ERBB2: variants seen among roughly 807,000 people sequenced by gnomAD.
ERBB2 encodes the protein receptor tyrosine-protein kinase erbB-2.
In ERBB2, 61 loss-of-function variants were observed where a neutral mutation model predicts 149.0. The observed-to-expected ratio is 0.41, with a 90% CI of 0.33 to 0.51. ERBB2 has a LOEUF of 0.51. Ranked by LOEUF, ERBB2 falls within the 20% of genes least tolerant of loss-of-function variation. ERBB2 has a pLI of 0.25. For synonymous variants in ERBB2, 633 were observed against 678.8 expected, an observed-to-expected ratio of 0.93 and a Z score of 1.05; for missense variants, 1,205 against 1,655.1, an observed-to-expected ratio of 0.73 and a Z score of 4.72.
chr17:39,716,334 C>T lies in ERBB2; in HGVS notation c.1547C>T (p.Ala516Val), dbSNP rs2145675597. 2 of 1,604,476 alleles carry T rather than the reference C, an allele frequency of 1.2e-6. No individual in the cohort carries two copies. The highest frequency in any genetic ancestry group is 1.7e-6 in the Non-Finnish European group (2 of 1,176,504). The change falls in exon 13 of 27, where the codon GCC (alanine) becomes GTC (valine). Residue 516 changes from alanine (A) to valine (V), a missense_variant. By Grantham distance (64) the Ala-to-Val change is moderately conservative (BLOSUM62 0). This residue lies in a region of ERBB2 where 569 missense variants were observed against 803.5 expected (regional missense o/e 0.71). Transcript: ENST00000269571. ...GEGLACHQLC[A>V]RGHCWGPGPT... The stretch of plus-strand genomic sequence containing the variant: ...GGCCTGGCCTGCCACCAGCTGTGCG[C>T]CCGAGGGCACTGCTGGGGTCCAGGG...
intron 1 of ERBB2, among the ~76,000 whole-genome samples, chr17:39,706,047 AC>A (rs1489090613): frequency 6.6e-6 from 1 of 152,268 alleles, no homozygotes; most frequent in Non-Finnish European, 1.5e-5. Flanking sequence ...GGCGCCCCTC[AC>A]CAGGGGTGCT....
upstream of ERBB2, among the ~76,000 whole-genome samples, chr17:39,691,906 T>TATAGATATAG (rs1567886218): frequency 4.0e-4 from 36 of 90,234 alleles, no homozygotes; most frequent in African/African-American, 1.2e-3. Context: ...TATAGATATA[T>TATAGATATAG]ATACATATAC....
At chr17:39,724,954 C>G (rs2145856851) in intron 20 of ERBB2, 43 bp downstream of exon 20, 1 of 1,608,674 alleles carries the variant, frequency 6.2e-7, no homozygotes, top group Non-Finnish European at 8.5e-7. Context: ...GAGCAAACCC[C>G]TATGTCCACA....
chr17:39,695,930 C>G (rs1022059700), upstream of ERBB2, among the ~76,000 whole-genome samples: 7 of 152,118 alleles, frequency 4.6e-5, no homozygotes, highest in Non-Finnish European at 1.0e-4. Context: ...GGGTCTTGGG[C>G]AAAACACACG....
At chr17:39,715,218 A>C in intron 9 of ERBB2, 68 bp from the exon 10 acceptor site, 1 of 1,339,478 alleles carries the variant, frequency 7.5e-7, no homozygotes, top group South Asian at 1.2e-5. Context: ...AGTGGCTGGC[A>C]TGGCCAGTGC....
rs895205822 is a variant in ERBB2 at position 39,727,216 on chromosome 17, G to A, written c.3160-79G>A. On this transcript the variant is annotated intron_variant, in intron 25 of 26. Transcript: ENST00000269571. The surrounding 1 kb of genome is among the most constrained non-coding windows in gnomAD (Gnocchi z 4.3). ...CAAAGGTGACCTCTGTTTTTCTCCT[G>A]TGACCCTGTCACCTTCCATGGAGTC... 2 of 1,542,794 alleles carry A rather than the reference G, an allele frequency of 1.3e-6. No individual in the cohort carries two copies. The highest frequency in any genetic ancestry group is 1.4e-5 in the African/African-American group (1 of 72,196).
upstream of ERBB2, among the ~76,000 whole-genome samples, chr17:39,691,353 C>A (rs533911184): frequency 6.5e-4 from 99 of 151,844 alleles, 1 homozygote; most frequent in African/African-American, 2.3e-3. Context: ...ACCATCCTAG[C>A]CAACATGGTG....
upstream of ERBB2, among the ~76,000 whole-genome samples, chr17:39,698,818 G>A (rs530770505): frequency 6.6e-6 from 1 of 152,134 alleles, no homozygotes; most frequent in Non-Finnish European, 1.5e-5. Context: ...CAGTATAGCT[G>A]CATTCTTGGC....
chr17:39,712,117 A>C (rs1597867652), intron 8 of ERBB2, 70 bp downstream of exon 8: 1 of 1,608,514 alleles, frequency 6.2e-7, no homozygotes, highest in Non-Finnish European at 8.5e-7. Context: ...GGCCCAGCCC[A>C]CCCTGTCCTA....
chr17:39,716,849 T>G (rs1044854086), intron 14 of ERBB2: 4 of 552,896 alleles, frequency 7.2e-6, no homozygotes, highest in Admixed American at 6.1e-5. Context: ...GTGGCTGTGC[T>G]AGGGTGGTGA....
At chr17:39,703,270 G>C (rs1171360744) in intron 1 of ERBB2, 1 of 152,328 alleles carries the variant, frequency 6.6e-6, no homozygotes, top group East Asian at 1.9e-4. Flanking sequence ...TGGGAGGGCT[G>C]GGGTGGGGCC....
rs761563011 is a variant in ERBB2, at chr17:39,712,209, A to G, written c.1022-113A>G. 3.9e-6 allele frequency: 6 copies of G among 1,522,792 alleles called. No homozygotes were observed. In the African/African-American group the frequency reaches 5.5e-5, roughly 14 times the overall value. 94.3% of individuals were successfully genotyped at this position (1,522,792 alleles called of 1,614,324 possible). On this transcript the variant is annotated intron_variant, in intron 8 of 26. Transcript: ENST00000269571. Reference sequence around the variant, plus strand: ...CCCCCTCAGCCCTACAAGTGTCCCTATATCCCCTGTCAGTGTGGGGAGGGG... The same window carrying G: ...CCCCCTCAGCCCTACAAGTGTCCCTGTATCCCCTGTCAGTGTGGGGAGGGG...
At position 39,700,254 on chromosome 17, in the gene ERBB2, T is replaced by C. The variant is rs1206670744; in HGVS notation, c.16T>C (p.Leu6=). 3 of 1,443,260 alleles carry C rather than the reference T, an allele frequency of 2.1e-6. No homozygotes were observed. Among genetic ancestry groups the C allele is most frequent in the Admixed American group, 2.6e-5 (1 of 38,980 alleles). 89.4% of individuals were successfully genotyped at this position (1,443,260 alleles called of 1,614,324 possible). Residue 6 remains leucine (L), a synonymous_variant, in exon 1 of 27, where the codon TTG becomes CTG. Coordinates refer to ENST00000269571, the MANE Select transcript of ERBB2 (RefSeq NM_004448.4). ...AGTGAGCACCATGGAGCTGGCGGCC[T>C]TGTGCCGCTGGGGGCTCCTCCTCGC... MELAA[L]CRWGLLLALL... is the part of the protein sequence containing the mutation.
chr17:39,708,906 G>C (rs538150480), intron 3 of ERBB2, among the ~76,000 whole-genome samples: 4 of 152,126 alleles, frequency 2.6e-5, no homozygotes, highest in Non-Finnish European at 5.9e-5. Flanking sequence ...AGTCCTGTCA[G>C]GAAAAAATCA....
intron 1 of ERBB2, among the ~76,000 whole-genome samples, chr17:39,701,694 ACAG>A (rs956389516): frequency 2.9e-4 from 44 of 152,160 alleles, no homozygotes; most frequent in African/African-American, 1.0e-3. Flanking sequence ...GTGTTGCCAA[ACAG>A]CAGTCTCTCT....
Position 39,709,871 on chromosome 17 carries a change from T to C in ERBB2, c.633T>C (p.Asp211=), listed in dbSNP as rs766580117. The C allele has an allele frequency of 2.5e-6, 4 of 1,613,488 alleles. No homozygotes were observed. Among genetic ancestry groups the C allele is most frequent in the Non-Finnish European group, 2.5e-6 (3 of 1,179,998 alleles). The change falls in exon 5 of 27, where the codon GAT becomes GAC. Residue 211 remains aspartate, a synonymous_variant. Transcript: ENST00000269571. ...GSRCWGESSE[D]CQSLTRTVCA... ...GCTGCTGGGGAGAGAGTTCTGAGGA[T>C]TGTCAGAGCCGTGAGTCTCAGGGAG...
At chr17:39,711,462 G>A (rs943219603) in intron 7 of ERBB2, among the ~76,000 whole-genome samples, 1 of 152,210 alleles carries the variant, frequency 6.6e-6, no homozygotes, top group African/African-American at 2.4e-5. Context: ...AAAGTGCTGG[G>A]ATTACAGGCA....
At chr17:39,722,053 G>A (rs1180068919) in intron 16 of ERBB2, among the ~76,000 whole-genome samples, 2 of 151,988 alleles carry the variant, frequency 1.3e-5, no homozygotes, top group African/African-American at 4.8e-5. Flanking sequence ...AGAGTGGCTG[G>A]GATTACAGGC....
At position 39,728,256 on chromosome 17, in the gene ERBB2, GAGT is replaced by G; in HGVS notation, c.*213_*215del. ...TCGTTGGAAGAGGAACAGCACTGGG[GAGT>G]CTTTGTGGATTCTGAGGCCCTGCCC... On this transcript the variant is annotated 3_prime_UTR_variant, in exon 27 of 27. Coordinates refer to ENST00000269571, the MANE Select transcript of ERBB2 (RefSeq NM_004448.4). 4.0e-6 allele frequency: 2 copies of G among 495,964 alleles called. No individual in the cohort carries two copies. The highest frequency in any genetic ancestry group is 4.0e-5 in the South Asian group (1 of 24,950). The allele number at this position is 495,964 out of a possible 1,614,324, so 30.7% of individuals were successfully genotyped here. A position where few individuals can be genotyped will look rare whatever the true frequency, so the allele number is the denominator to read the frequency against.
Sources: allele counts gnomAD v4.1 joint callset (sites outside exome capture counted in the v4.1 genomes callset), GRCh38; gene constraint gnomAD v4.1.1; regional missense constraint gnomAD v4.1.1; non-coding constraint Gnocchi (gnomAD v3.1); transcripts MANE v1.5; gene names NCBI Gene and HGNC (gene_info 2026-07-23, HGNC 2026-07-21).